PIK3C2G: variants seen among roughly 807,000 people sequenced by gnomAD.
PIK3C2G encodes phosphatidylinositol 3-kinase C2 domain-containing subunit gamma.
In PIK3C2G, 168 loss-of-function variants were observed where a neutral mutation model predicts 181.1. The observed-to-expected ratio is 0.93, with a 90% confidence interval of 0.82 to 1.05. The LOEUF is 1.05. PIK3C2G is among the 50% of genes least tolerant of loss of function. PIK3C2G has a pLI of 0.00. For missense variants in PIK3C2G, 1,869 were observed against 1,732.8 expected, an observed-to-expected ratio of 1.08 and a Z score of -1.40; for synonymous variants, 573 against 592.2, an observed-to-expected ratio of 0.97 and a Z score of 0.47.
chr12:18,358,529 T>C (rs532816302), intron 11 of PIK3C2G: 40 of 302,052 alleles, frequency 1.3e-4, no homozygotes, highest in African/African-American at 8.3e-4. Context: ...AATTCTGAAA[T>C]GGTGTCATAC....
the PIK3C2G span, among the ~76,000 whole-genome samples, chr12:18,705,663 C>T: frequency 6.6e-6 from 1 of 150,696 alleles, no homozygotes; most frequent in African/African-American, 2.4e-5. Flanking sequence ...GTCAGGAGTT[C>T]GAGGCCAGCT....
At position 18,295,105 on chromosome 12, in the gene PIK3C2G, AATT is replaced by A. The variant is rs372416114; in HGVS notation, c.1034+1097_1034+1099del. ...AATAATATTTCAATAGCATTTTTAT[AATT>A]ATTATTTTATAATAAATAATTATAC... is the stretch of plus-strand genomic sequence containing the variant. On this transcript the variant is annotated intron_variant, in intron 5 of 32. Transcript: ENST00000538779. Among the ~76,000 whole-genome samples the A allele has an allele frequency of 6.2e-3, 932 of 149,804 alleles. 18 individuals are homozygous for A. The highest frequency in any genetic ancestry group is 0.051 in the East Asian group (262 of 5,148).
chr12:18,292,625 T>C (rs1487991298), intron 4 of PIK3C2G, among the ~76,000 whole-genome samples: 1 of 152,174 alleles, frequency 6.6e-6, no homozygotes, highest in African/African-American at 2.4e-5. Context: ...AGCATGTTCA[T>C]GTAAGAGCTT....
intron 7 of PIK3C2G, among the ~76,000 whole-genome samples, chr12:18,321,504 T>G (rs908624471): frequency 1.1e-4 from 16 of 152,230 alleles, no homozygotes; most frequent in Non-Finnish European, 1.5e-4. Flanking sequence ...TTCTTATATC[T>G]AAATGTATGC....
chr12:18,368,180 C>T (rs888029025), intron 12 of PIK3C2G, among the ~76,000 whole-genome samples: 2 of 152,190 alleles, frequency 1.3e-5, no homozygotes, highest in Admixed American at 1.3e-4. Flanking sequence ...ATCATATCAA[C>T]TTACATTTCA....
At chr12:18,524,563 CTTTT>C (rs112957471) in intron 24 of PIK3C2G, among the ~76,000 whole-genome samples, 2 of 140,336 alleles carry the variant, frequency 1.4e-5, no homozygotes, top group African/African-American at 2.6e-5. Flanking sequence ...CCTCAGTTTT[CTTTT>C]TTTTTTTTTT....
chr12:18,651,760 C>A (rs985148346), downstream of PIK3C2G, among the ~76,000 whole-genome samples: 1 of 152,118 alleles, frequency 6.6e-6, no homozygotes, highest in Non-Finnish European at 1.5e-5. Flanking sequence ...CAAGGATAAC[C>A]AAGGGAAGGC....
chr12:18,364,523 G>A (rs1043674529), intron 12 of PIK3C2G, among the ~76,000 whole-genome samples: 10 of 152,016 alleles, frequency 6.6e-5, no homozygotes, highest in Admixed American at 6.6e-4. Flanking sequence ...TCGACAGCAG[G>A]TAAAGCAGCA....
intron 1 of PIK3C2G, among the ~76,000 whole-genome samples, chr12:18,254,945 C>T (rs1948129280): frequency 1.3e-5 from 2 of 151,372 alleles, no homozygotes; most frequent in African/African-American, 4.8e-5. Flanking sequence ...CTCAGTGGCT[C>T]AGGCCGGGCG....
At chr12:18,344,818 C>T (rs1418800987) in intron 10 of PIK3C2G, among the ~76,000 whole-genome samples, 1 of 152,124 alleles carries the variant, frequency 6.6e-6, no homozygotes, top group Non-Finnish European at 1.5e-5. Flanking sequence ...TATTTCACCA[C>T]CAAGCCCTGT....
chr12:18,321,990 A>G (rs1435453638), intron 7 of PIK3C2G, among the ~76,000 whole-genome samples: 1 of 152,198 alleles, frequency 6.6e-6, no homozygotes, highest in Non-Finnish European at 1.5e-5. Flanking sequence ...GCAGGGCTCA[A>G]TACCTAGGTG....
intron 18 of PIK3C2G, among the ~76,000 whole-genome samples, chr12:18,432,447 A>G (rs2135769535): frequency 6.6e-6 from 1 of 152,262 alleles, no homozygotes; most frequent in Middle Eastern, 3.4e-3. Context: ...ACCACATCCA[A>G]TTACATCACT....
intron 19 of PIK3C2G, 37 bp from the exon 20 acceptor site, chr12:18,491,414 C>A (rs769979336): frequency 1.3e-5 from 14 of 1,087,102 alleles, no homozygotes; most frequent in Admixed American, 1.0e-4. Flanking sequence ...AAGTTCTTTA[C>A]ATTTTCTTAA....
At chr12:18,304,106 T>C (rs1950321250) in intron 5 of PIK3C2G, among the ~76,000 whole-genome samples, 1 of 152,196 alleles carries the variant, frequency 6.6e-6, no homozygotes, top group African/African-American at 2.4e-5. Context: ...TCTCTGGGAC[T>C]CTCCTAGTAG....
In PIK3C2G at chr12:18,381,720, T is replaced by A. The variant is rs760595507; in HGVS notation, c.1881-46T>A. On this transcript the variant is annotated intron_variant, in intron 13 of 32. Coordinates refer to ENST00000538779, the MANE Select transcript of PIK3C2G (RefSeq NM_001288772.2). ...CATTTACAGATAATTATAACTTCCC[T>A]CATGAAGTGACTCCTGTCTGTGTGT... 1.2e-5 allele frequency: 13 copies of A among 1,085,502 alleles called. No homozygotes were observed. The African/African-American group carries it at 2.0e-4, about 17-fold the overall frequency. The allele number at this position is 1,085,502 out of a possible 1,614,324, so 67.2% of individuals were successfully genotyped here. A position where few individuals can be genotyped will look rare whatever the true frequency, so the allele number is the denominator to read the frequency against.
chr12:18,607,071 C>A, intron 30 of PIK3C2G: 1 of 411,794 alleles, frequency 2.4e-6, no homozygotes, highest in South Asian at 1.9e-5. Flanking sequence ...CAAACTGAGA[C>A]ATATAAAATA....
intron 5 of PIK3C2G, among the ~76,000 whole-genome samples, chr12:18,302,892 T>G (rs1468653130): frequency 6.6e-6 from 1 of 152,012 alleles, no homozygotes. Context: ...TTTGTCAGGC[T>G]TCCTCTTGGT....
intron 18 of PIK3C2G, among the ~76,000 whole-genome samples, chr12:18,468,988 C>A (rs1938186905): frequency 6.6e-6 from 1 of 151,954 alleles, no homozygotes; most frequent in Non-Finnish European, 1.5e-5. Context: ...AAGAAAAAGA[C>A]CAACATGATT....
chr12:18,294,558 A>T (rs1224288290), intron 5 of PIK3C2G, among the ~76,000 whole-genome samples: 1 of 152,000 alleles, frequency 6.6e-6, no homozygotes, highest in African/African-American at 2.4e-5. Context: ...CAGCTCATTA[A>T]AAACAATTGG....
Sources: gnomAD v4.1 joint callset for allele counts (sites outside exome capture counted in the v4.1 genomes callset) on GRCh38, gnomAD v4.1.1 for gene constraint, MANE v1.5 for transcripts, NCBI Gene and HGNC (gene_info 2026-07-23, HGNC 2026-07-21) for gene names.